The following ALOX5 variants were observed in gnomAD, a reference collection of about 807,000 sequenced individuals.
The protein encoded by ALOX5 is arachidonate 5-lipoxygenase, also known as polyunsaturated fatty acid 5-lipoxygenase.
In ALOX5, 64 loss-of-function variants were observed where a neutral mutation model predicts 87.9. The observed-to-expected ratio is 0.73, with a 90% CI of 0.60 to 0.90. The LOEUF is 0.90. Ranked by LOEUF, ALOX5 falls within the 40% of genes least tolerant of loss-of-function variation. The pLI, the probability that ALOX5 is intolerant of heterozygous loss-of-function variation, is 0.00. For missense variants in ALOX5, 822 were observed against 907.5 expected (o/e 0.91, Z 1.21); for synonymous variants, 388 against 355.1 (o/e 1.09, Z -1.04).
At chr10:45,400,912 C>A (rs1223542342) in intron 3 of ALOX5, among the ~76,000 whole-genome samples, 1 of 152,142 alleles carries the variant, frequency 6.6e-6, no homozygotes, top group African/African-American at 2.4e-5. Flanking sequence ...ATATTAAAAT[C>A]TTTTGATAGC....
intron 7 of ALOX5, among the ~76,000 whole-genome samples, chr10:45,437,704 T>C (rs1842099823): frequency 6.6e-6 from 1 of 152,236 alleles, no homozygotes; most frequent in African/African-American, 2.4e-5. Flanking sequence ...CTCTTTTCCT[T>C]TGTCTTTCCA....
Position 45,409,617 on chromosome 10 carries a change from C to T in ALOX5, c.432-2574C>T, listed in dbSNP as rs529875571. 6.6e-5 allele frequency among the ~76,000 whole-genome samples: 10 copies of T among 151,992 alleles called. No individual in the cohort carries two copies. In the South Asian group the frequency reaches 1.5e-3, roughly 22 times the overall value. Reference sequence around the variant, plus strand: ...TCTCTGTCTCTCTTGCTTTCTCTCTCTCTCTTTCTCTCTCTCTCTCATTTT... The same window carrying T: ...TCTCTGTCTCTCTTGCTTTCTCTCTTTCTCTTTCTCTCTCTCTCTCATTTT... On this transcript the variant is annotated intron_variant, in intron 3 of 13. Transcript: ENST00000374391.
At chr10:45,390,043 A>C (rs1050691701) in intron 2 of ALOX5, among the ~76,000 whole-genome samples, 30 of 152,228 alleles carry the variant, frequency 2.0e-4, no homozygotes, top group Non-Finnish European at 2.8e-4. Flanking sequence ...TTGCAATCCT[A>C]GTCTCTGATA....
chr10:45,443,395 C>T (rs1420286283), intron 10 of ALOX5, 21 bp from the exon 11 acceptor site: 1 of 1,596,066 alleles, frequency 6.3e-7, no homozygotes, highest in South Asian at 1.1e-5. Flanking sequence ...TCGCCCACCC[C>T]GGCTGCGCCC....
At chr10:45,394,871 GCCATC>G (rs1840441310) in intron 2 of ALOX5, among the ~76,000 whole-genome samples, 1 of 152,302 alleles carries the variant, frequency 6.6e-6, no homozygotes, top group South Asian at 2.1e-4. Flanking sequence ...ATCATCACTG[GCCATC>G]AGAGAAATGC....
intron 4 of ALOX5, among the ~76,000 whole-genome samples, chr10:45,416,942 G>A (rs928636989): frequency 6.6e-6 from 1 of 151,794 alleles, no homozygotes; most frequent in African/African-American, 2.4e-5. Flanking sequence ...ATGGATAGAT[G>A]GATGGATGGA....
intron 3 of ALOX5, among the ~76,000 whole-genome samples, chr10:45,411,863 T>C (rs1353948356): frequency 6.6e-6 from 1 of 152,170 alleles, no homozygotes; most frequent in Non-Finnish European, 1.5e-5. Context: ...AAGGCAGGCC[T>C]CTACTGTTCA....
At chr10:45,413,176 C>G (rs1027011821) in intron 4 of ALOX5, among the ~76,000 whole-genome samples, 2 of 152,152 alleles carry the variant, frequency 1.3e-5, no homozygotes, top group African/African-American at 4.8e-5. Flanking sequence ...TGATGAACAT[C>G]AATGCGAAAA....
intron 3 of ALOX5, among the ~76,000 whole-genome samples, chr10:45,403,623 A>G (rs974935454): frequency 2.0e-5 from 3 of 152,142 alleles, no homozygotes; most frequent in African/African-American, 7.2e-5. Flanking sequence ...TATATATTCT[A>G]TTTCCCAATT....
chr10:45,392,873 G>A lies in ALOX5; in HGVS notation c.350-2982G>A, dbSNP rs527635310. ...TCTAGAAAAAATGGATAAATTCCTC[G>A]ACACATACACCCTCCCAAGACTAAA... On this transcript the variant is annotated intron_variant, in intron 2 of 13. Transcript: ENST00000374391. Among the ~76,000 whole-genome samples the A allele has an allele frequency of 6.6e-5, 10 of 152,098 alleles. No individual in the cohort carries two copies. The East Asian group carries it at 1.3e-3, about 21-fold the overall frequency.
chr10:45,384,597 C>T (rs1273347119), intron 2 of ALOX5, among the ~76,000 whole-genome samples: 3 of 152,102 alleles, frequency 2.0e-5, no homozygotes, highest in Admixed American at 2.0e-4. Flanking sequence ...AGAATGGTGT[C>T]CTCTGGGTGC....
chr10:45,443,335 G>C (rs1842305596), intron 10 of ALOX5, 81 bp from the exon 11 acceptor site: 5 of 1,586,222 alleles, frequency 3.2e-6, no homozygotes, highest in Non-Finnish European at 4.3e-6. Flanking sequence ...GGGAGTCCCA[G>C]CGTCCGTGAG....
intron 2 of ALOX5, 134 bp downstream of exon 2, chr10:45,382,815 C>A: frequency 9.7e-7 from 1 of 1,030,746 alleles, no homozygotes; most frequent in Non-Finnish European, 1.4e-6. Context: ...TGCCCTGTGC[C>A]TCGACACACC....
At chr10:45,428,547 C>G in intron 6 of ALOX5, 71 bp from the exon 7 acceptor site, 1 of 1,590,094 alleles carries the variant, frequency 6.3e-7, no homozygotes, top group Non-Finnish European at 8.6e-7. Flanking sequence ...GAGGTCATCA[C>G]TCTTTCCCCA....
chr10:45,375,673 T>C (rs984047483), intron 1 of ALOX5, among the ~76,000 whole-genome samples: 2 of 152,012 alleles, frequency 1.3e-5, no homozygotes, highest in African/African-American at 4.8e-5. Context: ...TTTTCTGGAT[T>C]CCAAGCTCTC....
chr10:45,402,131 T>C (rs1840725013), intron 3 of ALOX5, among the ~76,000 whole-genome samples: 1 of 150,264 alleles, frequency 6.7e-6, no homozygotes, highest in South Asian at 2.1e-4. Flanking sequence ...TCACGAGCCA[T>C]GTATGGGTCC....
chr10:45,391,744 A>G (rs917581451), intron 2 of ALOX5, among the ~76,000 whole-genome samples: 1 of 145,024 alleles, frequency 6.9e-6, no homozygotes, highest in African/African-American at 2.6e-5. Flanking sequence ...CCACTGCCCC[A>G]CCACCCTGTC....
Position 45,415,934 on chromosome 10 carries a change from C to A in ALOX5, c.554+3621C>A, listed in dbSNP as rs565006788. Among the ~76,000 whole-genome samples, 4 of 152,220 alleles carry A rather than the reference C, an allele frequency of 2.6e-5. No individual in the cohort carries two copies. In the South Asian group the frequency reaches 8.3e-4, roughly 32 times the overall value. ...CCCTTTTGGCAGAGTGAATTGGGGT[C>A]CAAAGATTTTCATTTCCTTTTACAC... On this transcript the variant is annotated intron_variant, in intron 4 of 13. Transcript: ENST00000374391.
At chr10:45,386,321 C>G (rs1458848752) in intron 2 of ALOX5, among the ~76,000 whole-genome samples, 17 of 150,780 alleles carry the variant, frequency 1.1e-4, no homozygotes, top group Non-Finnish European at 2.2e-4. Context: ...AAAAAATTAG[C>G]CAGGTGTGGT....
Sources: allele counts gnomAD v4.1 joint callset (sites outside exome capture counted in the v4.1 genomes callset), GRCh38; gene constraint gnomAD v4.1.1; transcripts MANE v1.5; gene names NCBI Gene and HGNC (gene_info 2026-07-23, HGNC 2026-07-21).